GRHL3: variants seen among roughly 807,000 people sequenced by gnomAD.
The protein encoded by GRHL3 is grainyhead-like protein 3 homolog.
In GRHL3, 20 loss-of-function variants were observed where a neutral mutation model predicts 70.3. The observed-to-expected ratio is 0.28, with a 90% CI of 0.20 to 0.41. GRHL3 has a LOEUF of 0.41. Ranked by LOEUF, GRHL3 falls within the 10% of genes least tolerant of loss-of-function variation. GRHL3 has a pLI of 1.00. For synonymous variants in GRHL3, 299 were observed against 299.9 expected (o/e 1.00, Z 0.03); for missense variants, 637 against 762.3 (o/e 0.84, Z 1.94).
chr1:24,352,869 AC>A (rs1248059849), intron 15 of GRHL3, among the ~76,000 whole-genome samples: 1 of 152,118 alleles, frequency 6.6e-6, no homozygotes, highest in African/African-American at 2.4e-5. Context: ...CAGCGCTCAA[AC>A]CACTGACAGC....
chr1:24,339,744 C>T lies in GRHL3; in HGVS notation c.1029C>T (p.Asn343=), dbSNP rs370453658. ...ATAATGCACTGTCCTTTGTGTGGAA[C>T]GTGAATGAAGAGGCCAAGGTCAGTG... The part of the protein sequence containing the change: ...VAYNALSFVW[N]VNEEAKVFIG... The change falls in exon 8 of 16, where the codon AAC becomes AAT. Residue 343 remains asparagine, a synonymous_variant. Coordinates refer to ENST00000361548, the MANE Select transcript of GRHL3 (RefSeq NM_198173.3). The T allele has an allele frequency of 2.7e-5, 43 of 1,611,690 alleles. No individual in the cohort carries two copies. The highest frequency in any genetic ancestry group is 8.0e-5 in the African/African-American group (6 of 74,876).
At chr1:24,351,283 G>A (rs1477442296) in intron 15 of GRHL3, among the ~76,000 whole-genome samples, 3 of 152,110 alleles carry the variant, frequency 2.0e-5, no homozygotes, top group African/African-American at 7.2e-5. Context: ...TCAGGCCTAG[G>A]GGCCTGGCCG....
At chr1:24,335,365 A>C (rs999312393) in intron 3 of GRHL3, among the ~76,000 whole-genome samples, 3 of 152,240 alleles carry the variant, frequency 2.0e-5, no homozygotes, top group Non-Finnish European at 2.9e-5. Context: ...GGCACTGGAA[A>C]GACCTTGTCC....
At position 24,354,695 on chromosome 1, in the gene GRHL3, A is replaced by T; in HGVS notation, c.*207A>T. The T allele has an allele frequency of 2.0e-6, 1 of 498,566 alleles. No homozygotes were observed. The highest frequency in any genetic ancestry group is 3.6e-6 in the Non-Finnish European group (1 of 276,122). 30.9% of individuals were successfully genotyped at this position (498,566 alleles called of 1,614,324 possible). ...GGCCTGGATCCCCATGGTATGCTTG[A>T]ATCTGCTCCCTGAACTTCCTGCCAG... is the stretch of plus-strand genomic sequence containing the variant. On this transcript the variant is annotated 3_prime_UTR_variant, in exon 16 of 16. Transcript: ENST00000361548.
intron 15 of GRHL3, chr1:24,360,800 A>G: frequency 6.6e-7 from 1 of 1,506,254 alleles, no homozygotes; most frequent in Non-Finnish European, 9.0e-7. Flanking sequence ...AAGAATGACA[A>G]ACAGTTCCAG....
chr1:24,322,628 G>A lies in GRHL3; in HGVS notation c.17+3060G>A, dbSNP rs2148644255. Among the ~76,000 whole-genome samples, 1 of 152,362 alleles carries A rather than the reference G, an allele frequency of 6.6e-6. No individual in the cohort carries two copies. The highest frequency in any genetic ancestry group is 1.5e-5 in the Non-Finnish European group (1 of 68,028). ...CGGGGGTCCTGCGGCTCCGCCAGCT[G>A]CTGGGAGCGGGCAGGCTGCGCAGTC... On this transcript the variant is annotated intron_variant, in intron 1 of 15. Coordinates refer to ENST00000361548, the MANE Select transcript of GRHL3 (RefSeq NM_198173.3). This position sits in a 1 kb window ranked among gnomAD's most constrained non-coding sequence, Gnocchi z 4.4.
chr1:24,355,804 GT>G (rs1277974014), downstream of GRHL3, among the ~76,000 whole-genome samples: 1 of 152,192 alleles, frequency 6.6e-6, no homozygotes, highest in Non-Finnish European at 1.5e-5. Context: ...ATCAGCCATG[GT>G]GACAGTCAGA....
chr1:24,346,177 T>C (rs1640276159), intron 12 of GRHL3, among the ~76,000 whole-genome samples: 1 of 151,012 alleles, frequency 6.6e-6, no homozygotes, highest in South Asian at 2.1e-4. Context: ...ACGATGATGA[T>C]GACGATGAGT....
intron 12 of GRHL3, among the ~76,000 whole-genome samples, chr1:24,345,504 T>C (rs1234361159): frequency 1.3e-5 from 2 of 151,872 alleles, no homozygotes; most frequent in Non-Finnish European, 2.9e-5. Flanking sequence ...GTTTGTTTTA[T>C]GTGAAAAGTC....
chr1:24,352,371 G>A (rs1054193752), intron 15 of GRHL3, among the ~76,000 whole-genome samples: 1 of 152,218 alleles, frequency 6.6e-6, no homozygotes, highest in Admixed American at 6.5e-5. Flanking sequence ...CAAATACATT[G>A]TTTTTGCTGG....
chr1:24,340,352 A>G (rs1195020143), intron 8 of GRHL3, among the ~76,000 whole-genome samples: 1 of 152,200 alleles, frequency 6.6e-6, no homozygotes, highest in East Asian at 1.9e-4. Context: ...CTAGGATTGG[A>G]GTGCAGAGCC....
chr1:24,347,815 C>A (rs1217775959), intron 14 of GRHL3, among the ~76,000 whole-genome samples: 3 of 152,256 alleles, frequency 2.0e-5, no homozygotes, highest in African/African-American at 7.2e-5. Flanking sequence ...TGCTGTCTGA[C>A]AGGCCAGGGT....
chr1:24,339,692 C>T lies in GRHL3; in HGVS notation c.977C>T (p.Thr326Ile). Residue 326 changes from threonine (T) to isoleucine (I), a missense_variant, in exon 8 of 16, where the codon ACT (threonine) becomes ATT (isoleucine). By Grantham distance (89) the Thr-to-Ile change is moderately conservative. This residue lies in a region of GRHL3 where 387 missense variants were observed against 513.8 expected (regional missense o/e 0.75). Coordinates refer to ENST00000361548, the MANE Select transcript of GRHL3 (RefSeq NM_198173.3). ...DVADCKENFN[T>I]VEHIEEVAYN... Reference sequence around the variant, plus strand: ...GCTGACTGCAAAGAAAACTTCAACACTGTGGAGCACATTGAGGAGGTGGCC... The same window carrying T: ...GCTGACTGCAAAGAAAACTTCAACATTGTGGAGCACATTGAGGAGGTGGCC... The T allele has an allele frequency of 6.2e-6, 10 of 1,613,182 alleles. No homozygotes were observed. The highest frequency in any genetic ancestry group is 8.5e-6 in the Non-Finnish European group (10 of 1,179,266).
intron 11 of GRHL3, chr1:24,343,266 G>A (rs1640122489): frequency 4.1e-6 from 2 of 486,494 alleles, no homozygotes; most frequent in South Asian, 6.3e-5. Context: ...TCATGCTTAG[G>A]GCACACAAAG....
At chr1:24,344,045 G>A (rs1433486676) in intron 11 of GRHL3, among the ~76,000 whole-genome samples, 1 of 152,160 alleles carries the variant, frequency 6.6e-6, no homozygotes, top group East Asian at 1.9e-4. Flanking sequence ...CCAACTAGAG[G>A]CCCTCAGTAA....
At chr1:24,339,284 T>G (rs35373536) in intron 7 of GRHL3, among the ~76,000 whole-genome samples, 41,373 of 149,638 alleles carry the variant, frequency 0.28, 6,376 homozygotes, top group East Asian at 0.45. Context: ...GTTTTGTCTT[T>G]TTTTTTTTTG....
chr1:24,349,433 G>A (rs1640417156), intron 14 of GRHL3, among the ~76,000 whole-genome samples: 1 of 152,232 alleles, frequency 6.6e-6, no homozygotes, highest in Non-Finnish European at 1.5e-5. Context: ...CCCTGTCCCA[G>A]CAGGGCAAGC....
At chr1:24,344,251 T>C (rs1640158029) in intron 11 of GRHL3, among the ~76,000 whole-genome samples, 1 of 152,106 alleles carries the variant, frequency 6.6e-6, no homozygotes, top group South Asian at 2.1e-4. Flanking sequence ...CTGCTCTCTC[T>C]AGGCCTCAGC....
chr1:24,363,084 G>A (rs1302636060), intron 15 of GRHL3, among the ~76,000 whole-genome samples: 4 of 152,110 alleles, frequency 2.6e-5, no homozygotes, highest in African/African-American at 4.8e-5. Context: ...CATTATATGA[G>A]GTCACCCCAT....
Sources: allele counts gnomAD v4.1 joint callset (sites outside exome capture counted in the v4.1 genomes callset), GRCh38; gene constraint gnomAD v4.1.1; regional missense constraint gnomAD v4.1.1; non-coding constraint Gnocchi (gnomAD v3.1); transcripts MANE v1.5; gene names NCBI Gene and HGNC (gene_info 2026-07-23, HGNC 2026-07-21).